The following PRDM16 variants were observed in gnomAD, a reference collection of about 807,000 sequenced individuals.
PRDM16 encodes PR/SET domain 16.
In PRDM16, 23 loss-of-function variants were observed where a neutral mutation model predicts 110.6. The ratio of observed to expected loss-of-function variants is 0.21; its 90% CI spans 0.15 to 0.29. The LOEUF (loss-of-function observed/expected upper bound fraction) is 0.29. Among genes scored for constraint, PRDM16 ranks in the 10% least tolerant of loss-of-function variants. The probability of loss-of-function intolerance (pLI) is 1.00; values close to 1 mark genes in which losing one functional copy is unlikely to be tolerated. For missense variants in PRDM16, 1,615 were observed against 1,794.3 expected (o/e 0.90, Z 1.81); for synonymous variants, 799 against 781.8 (o/e 1.02, Z -0.37).
rs1376247864 is a variant in PRDM16 at position 3,080,750 on chromosome 1, T to C, written c.37+11454T>C. ...TCCTGGATTTCTGTTCCGAGGAACA[T>C]GTTGGGCGGTTTCTTCCGGGCCGGG... On this transcript the variant is annotated intron_variant, in intron 1 of 16. Transcript: ENST00000270722. This position sits in a 1 kb window ranked among gnomAD's most constrained non-coding sequence, Gnocchi z 5.2. 3.9e-5 allele frequency among the ~76,000 whole-genome samples: 6 copies of C among 152,138 alleles called. No individual in the cohort carries two copies. Among genetic ancestry groups the C allele is most frequent in the Non-Finnish European group, 7.4e-5 (5 of 68,016 alleles).
At chr1:3,283,409 A>G (rs545210444) in intron 3 of PRDM16, among the ~76,000 whole-genome samples, 1 of 152,212 alleles carries the variant, frequency 6.6e-6, no homozygotes, top group East Asian at 1.9e-4. Flanking sequence ...TCCTGCAGCC[A>G]GACCCTGGAG....
chr1:3,413,539 T>C (rs1314351957), intron 9 of PRDM16, among the ~76,000 whole-genome samples: 3 of 151,118 alleles, frequency 2.0e-5, no homozygotes. Flanking sequence ...GAGGGGGTCC[T>C]ACCCCCACCA....
chr1:3,434,897 G>T lies in PRDM16; in HGVS notation c.*1086G>T, dbSNP rs533287440. 9 of 231,696 alleles carry T rather than the reference G, an allele frequency of 3.9e-5. No individual in the cohort carries two copies. The highest frequency in any genetic ancestry group is 6.8e-5 in the Non-Finnish European group (8 of 117,108). The allele number at this position is 231,696 out of a possible 1,614,324, so 14.4% of individuals were successfully genotyped here. Reference sequence around the variant, plus strand: ...CCTCCCACCTGACCCCAGCGGCTCCGGTGTCCTCCACGTGGCTGCCCTGGG... The same window carrying T: ...CCTCCCACCTGACCCCAGCGGCTCCTGTGTCCTCCACGTGGCTGCCCTGGG... On this transcript the variant is annotated 3_prime_UTR_variant, in exon 17 of 17. Transcript: ENST00000270722.
intron 2 of PRDM16, among the ~76,000 whole-genome samples, chr1:3,192,237 G>A (rs1344957471): frequency 2.0e-5 from 3 of 152,208 alleles, no homozygotes; most frequent in Non-Finnish European, 4.4e-5. Context: ...GATCATCCGT[G>A]TCGCCAGCTC....
chr1:3,120,560 C>T (rs1643072657), intron 1 of PRDM16, among the ~76,000 whole-genome samples: 1 of 152,196 alleles, frequency 6.6e-6, no homozygotes, highest in South Asian at 2.1e-4. Context: ...GAAAGAGAAA[C>T]CCAGGCAGCC....
intron 1 of PRDM16, among the ~76,000 whole-genome samples, chr1:3,181,131 T>G (rs1179278030): frequency 8.4e-6 from 1 of 119,150 alleles, no homozygotes; most frequent in Non-Finnish European, 1.7e-5. Context: ...CACGCAGTCT[T>G]ACACGCGGTC....
intron 3 of PRDM16, among the ~76,000 whole-genome samples, chr1:3,273,593 GGTGT>G (rs893290222): frequency 6.6e-6 from 1 of 152,152 alleles, no homozygotes; most frequent in East Asian, 1.9e-4. Flanking sequence ...TGTGTGGGTA[GGTGT>G]GTGTGTATGT....
At chr1:3,194,846 C>T (rs957911670) in intron 2 of PRDM16, among the ~76,000 whole-genome samples, 10 of 152,198 alleles carry the variant, frequency 6.6e-5, no homozygotes, top group African/African-American at 9.7e-5. Flanking sequence ...CCCAGATGCA[C>T]GCTCCACTGC....
intron 14 of PRDM16, among the ~76,000 whole-genome samples, chr1:3,427,998 C>T (rs1396361102): frequency 1.3e-5 from 2 of 152,190 alleles, no homozygotes; most frequent in South Asian, 2.1e-4. Flanking sequence ...CAGCCCCGTC[C>T]CCAGGCACAA....
chr1:3,155,918 T>A (rs10797381), intron 1 of PRDM16, among the ~76,000 whole-genome samples: 35,226 of 152,188 alleles, frequency 0.23, 4,185 homozygotes, highest in Admixed American at 0.3. Flanking sequence ...AAATTAATAA[T>A]GCGTAGAAGG....
At chr1:3,132,467 G>T (rs755909435) in intron 1 of PRDM16, among the ~76,000 whole-genome samples, 22 of 152,222 alleles carry the variant, frequency 1.4e-4, no homozygotes, top group Non-Finnish European at 2.8e-4. Flanking sequence ...CGGCCAGGCA[G>T]ATGGGCTGCA....
chr1:3,378,635 G>C (rs568826006), intron 3 of PRDM16, among the ~76,000 whole-genome samples: 11 of 152,240 alleles, frequency 7.2e-5, no homozygotes, highest in African/African-American at 2.4e-4. Flanking sequence ...GAGGGGCCTC[G>C]ACAGCACCCT....
chr1:3,426,805 G>A (rs1158076124), intron 14 of PRDM16, among the ~76,000 whole-genome samples: 1 of 152,192 alleles, frequency 6.6e-6, no homozygotes, highest in East Asian at 1.9e-4. Flanking sequence ...GCAGTTTAGG[G>A]GATCGTGCCT....
rs1418244333 is a variant in PRDM16, at chr1:3,437,618, T to C, written c.*3807T>C. 1 of 228,842 alleles carries C rather than the reference T, an allele frequency of 4.4e-6. No homozygotes were observed. The highest frequency in any genetic ancestry group is 2.2e-5 in the African/African-American group (1 of 45,140). The allele number at this position is 228,842 out of a possible 1,614,324, so 14.2% of individuals were successfully genotyped here. A position where few individuals can be genotyped will look rare whatever the true frequency, so the allele number is the denominator to read the frequency against. On this transcript the variant is annotated 3_prime_UTR_variant, in exon 17 of 17. Transcript: ENST00000270722. Reference sequence around the variant, plus strand: ...GTATCAAAAGCCATGAAACTGTGTCTCTGTAGCAATGAGTGATACTGTGAC... The same window carrying C: ...GTATCAAAAGCCATGAAACTGTGTCCCTGTAGCAATGAGTGATACTGTGAC...
chr1:3,171,605 C>G lies in PRDM16; in HGVS notation c.38-14520C>G, dbSNP rs537541775. ...AACACAGCTGTGTGTATTGGGGGGC[C>G]CTTCCCCAAATCTGCTCTGGCCACG... On this transcript the variant is annotated intron_variant, in intron 1 of 16. Coordinates refer to ENST00000270722, the MANE Select transcript of PRDM16 (RefSeq NM_022114.4). 1.8e-4 allele frequency among the ~76,000 whole-genome samples: 28 copies of G among 152,306 alleles called. No individual in the cohort carries two copies. The East Asian group carries it at 5.4e-3, about 30-fold the overall frequency.
At chr1:3,095,736 G>A (rs920491400) in intron 1 of PRDM16, among the ~76,000 whole-genome samples, 1 of 152,138 alleles carries the variant, frequency 6.6e-6, no homozygotes, top group African/African-American at 2.4e-5. Context: ...TTTGAGGGGG[G>A]CAGGGGTCAG....
At chr1:3,376,307 C>T (rs749437246) in intron 3 of PRDM16, among the ~76,000 whole-genome samples, 4 of 152,186 alleles carry the variant, frequency 2.6e-5, no homozygotes, top group South Asian at 2.1e-4. Flanking sequence ...TTTTCTAGCG[C>T]GTTGCATTCC....
intron 3 of PRDM16, among the ~76,000 whole-genome samples, chr1:3,374,556 G>T (rs1361544925): frequency 6.6e-6 from 1 of 152,154 alleles, no homozygotes; most frequent in Non-Finnish European, 1.5e-5. Context: ...TCTGTGAGGA[G>T]GGCCCCTGAT....
chr1:3,403,061 TTCCCGTG>T, intron 6 of PRDM16, 63 bp downstream of exon 6: 209 of 732,740 alleles, frequency 2.9e-4, no homozygotes, highest in East Asian at 9.1e-4. Flanking sequence ...CTTCCTCCCC[TTCCCGTG>T]CCCTCCTCTG....
Sources: allele counts gnomAD v4.1 joint callset (sites outside exome capture counted in the v4.1 genomes callset), GRCh38; gene constraint gnomAD v4.1.1; non-coding constraint Gnocchi (gnomAD v3.1); transcripts MANE v1.5; gene names NCBI Gene and HGNC (gene_info 2026-07-23, HGNC 2026-07-21).